The following MPDZ variants were observed in gnomAD, a reference collection of about 807,000 sequenced individuals.
MPDZ encodes multiple PDZ domain crumbs cell polarity complex component, also known as multiple PDZ domain protein.
MPDZ carries 234 observed loss-of-function variants against 239.1 expected under a neutral mutation model. The ratio of observed to expected loss-of-function variants is 0.98; its 90% CI spans 0.88 to 1.09. MPDZ has a LOEUF of 1.09. Ranked by LOEUF, MPDZ falls within the 50% of genes least tolerant of loss-of-function variation. The pLI is 0.00. For missense variants in MPDZ, 3,175 were observed against 2,510.0 expected, an observed-to-expected ratio of 1.26 and a Z score of -5.66; for synonymous variants, 1,048 against 881.3, an observed-to-expected ratio of 1.19 and a Z score of -3.35.
chr9:13,224,939 C>A (rs1209554331), intron 3 of MPDZ, among the ~76,000 whole-genome samples: 1 of 152,090 alleles, frequency 6.6e-6, no homozygotes. Context: ...CTCAGAATTT[C>A]CCCTCTCAGA....
In MPDZ at chr9:13,106,452, CAG is replaced by C. The variant is rs1563802092; in HGVS notation, c.*511_*512del. The C allele has an allele frequency of 6.6e-6, 1 of 151,654 alleles. No homozygotes were observed. The highest frequency in any genetic ancestry group is 1.9e-4 in the East Asian group (1 of 5,156). 9.4% of individuals were successfully genotyped at this position (151,654 alleles called of 1,614,324 possible). ...ACTGTTGAAAATTTTAAAATACTGA[CAG>C]TATTTTTAAAGATTTTCATTAGAAA... is the stretch of plus-strand genomic sequence containing the variant. On this transcript the variant is annotated 3_prime_UTR_variant, in exon 47 of 47. Transcript: ENST00000319217.
At chr9:13,215,506 G>A (rs958861735) in intron 10 of MPDZ, among the ~76,000 whole-genome samples, 11 of 150,790 alleles carry the variant, frequency 7.3e-5, no homozygotes, top group African/African-American at 2.4e-4. Context: ...ATGTCGTGGC[G>A]AGTGTGAATA....
At position 13,188,816 on chromosome 9, in the gene MPDZ, T is replaced by C; in HGVS notation, c.2332A>G (p.Thr778Ala). 1 of 1,613,412 alleles carries C rather than the reference T, an allele frequency of 6.2e-7. No homozygotes were observed. The highest frequency in any genetic ancestry group is 8.5e-7 in the Non-Finnish European group (1 of 1,179,478). The change falls in exon 17 of 47, where the codon ACT becomes GCT. Residue 778 changes from threonine to alanine, a missense_variant. By Grantham distance (58) the Thr-to-Ala change is moderately conservative (BLOSUM62 0). Coordinates refer to ENST00000319217, the MANE Select transcript of MPDZ (RefSeq NM_001378778.1). ...GGCTTAGCAACTCCTATTCTCACAG[T>C]CCCTGACGGTGCTCCCTTCAGTGCT... ...VEALKGAPSG[T>A]VRIGVAKPLP... is the part of the protein sequence containing the mutation.
At chr9:13,215,945 G>GTT (rs71331531) in intron 10 of MPDZ, among the ~76,000 whole-genome samples, 75 of 82,624 alleles carry the variant, frequency 9.1e-4, no homozygotes, top group African/African-American at 1.4e-3. Context: ...TCAGCAATTT[G>GTT]TTTTTTTTTT....
At chr9:13,159,362 G>C (rs999483829) in intron 23 of MPDZ, among the ~76,000 whole-genome samples, 2 of 152,140 alleles carry the variant, frequency 1.3e-5, no homozygotes, top group African/African-American at 4.8e-5. Flanking sequence ...CCTCGAATGA[G>C]GGTAGGGCTC....
rs1588053319 is a variant in MPDZ at position 13,240,827 on chromosome 9, A to G, written c.183+6808T>C. 2.6e-5 allele frequency among the ~76,000 whole-genome samples: 4 copies of G among 152,216 alleles called. No individual in the cohort carries two copies. The South Asian group carries it at 8.3e-4, about 32-fold the overall frequency. ...TAATTGTTGTAGCTTCAAGTGAAAA[A>G]TAAGGCCTATTAGTCTTAAATTTGG... On this transcript the variant is annotated intron_variant, in intron 3 of 46. Coordinates refer to ENST00000319217, the MANE Select transcript of MPDZ (RefSeq NM_001378778.1).
At chr9:13,109,820 A>G in intron 45 of MPDZ, 132 bp downstream of exon 45, 1 of 710,836 alleles carries the variant, frequency 1.4e-6, no homozygotes, top group South Asian at 1.7e-5. Context: ...TGATATGTAT[A>G]ATTCACACTT....
chr9:13,202,413 T>A (rs1176094670), intron 12 of MPDZ, among the ~76,000 whole-genome samples: 1 of 152,176 alleles, frequency 6.6e-6, no homozygotes, highest in South Asian at 2.1e-4. Flanking sequence ...ACCAGGATTT[T>A]GTAGAAAATC....
At chr9:13,240,644 T>C (rs1175548268) in intron 3 of MPDZ, among the ~76,000 whole-genome samples, 1 of 147,848 alleles carries the variant, frequency 6.8e-6, no homozygotes, top group Non-Finnish European at 1.5e-5. Context: ...TCAAATTCTC[T>C]TAAGTCTATC....
chr9:13,130,761 C>G (rs1945867610), intron 32 of MPDZ, among the ~76,000 whole-genome samples: 1 of 152,180 alleles, frequency 6.6e-6, no homozygotes, highest in East Asian at 1.9e-4. Flanking sequence ...GTGATATAAA[C>G]CAAGGCAAAG....
intron 6 of MPDZ, among the ~76,000 whole-genome samples, chr9:13,221,764 G>C (rs1959132182): frequency 6.6e-6 from 1 of 151,154 alleles, no homozygotes; most frequent in African/African-American, 2.4e-5. Flanking sequence ...TGATTTGCAA[G>C]ATCTTTTGTA....
At chr9:13,179,035 T>A (rs1952910182) in intron 19 of MPDZ, among the ~76,000 whole-genome samples, 1 of 152,162 alleles carries the variant, frequency 6.6e-6, no homozygotes. Context: ...AATTAATTGC[T>A]CCAACACAAT....
At chr9:13,122,900 A>AG (rs1329090976) in intron 36 of MPDZ, among the ~76,000 whole-genome samples, 2 of 152,232 alleles carry the variant, frequency 1.3e-5, no homozygotes, top group Non-Finnish European at 2.9e-5. Flanking sequence ...GTGAACTGAT[A>AG]GAAACACTTT....
chr9:13,109,981 C>T lies in MPDZ; in HGVS notation c.5913G>A (p.Thr1971=), dbSNP rs1205455000. The T allele has an allele frequency of 7.4e-6, 12 of 1,612,962 alleles. No homozygotes were observed. Among genetic ancestry groups the T allele is most frequent in the South Asian group, 3.3e-5 (3 of 90,964 alleles). ...ASSSLSFTGL[T]SSSIFQDDLG... The stretch of plus-strand genomic sequence containing the variant: ...AATCATCCTGAAATATACTGCTTGA[C>T]GTCAGCCCAGTGAAAGAAAGACTGG... The change falls in exon 45 of 47, where the codon ACG becomes ACA. Residue 1971 remains threonine, a synonymous_variant. Coordinates refer to ENST00000319217, the MANE Select transcript of MPDZ (RefSeq NM_001378778.1).
rs758983823 is a variant in MPDZ, at chr9:13,113,926, C to G, written c.5557+5G>C. 6.3e-7 allele frequency: 1 copy of G among 1,578,260 alleles called. No individual in the cohort carries two copies. The highest frequency in any genetic ancestry group is 1.2e-5 in the South Asian group (1 of 86,054). On this transcript the variant is annotated splice_donor_5th_base_variant and intron_variant, in intron 41 of 46. Transcript: ENST00000319217. ...ACCATGTTTAAAATACTGAACCAAT[C>G]TTACATGCATTCTTCTTTGAGCTAC...
Position 13,118,640 on chromosome 9 carries a change from G to A in MPDZ, c.5379+862C>T, listed in dbSNP as rs117178940. On this transcript the variant is annotated intron_variant, in intron 39 of 46. Transcript: ENST00000319217. ...ACACTAGGTTAAAAAAACAAAACAA[G>A]GAGATAAGCATTGCCTATTTACAGG... Among the ~76,000 whole-genome samples, 22 of 152,214 alleles carry A rather than the reference G, an allele frequency of 1.4e-4. No homozygotes were observed. In the East Asian group the frequency reaches 4.2e-3, roughly 29 times the overall value.
Position 13,152,356 on chromosome 9 carries a change from G to A in MPDZ, c.3453-1668C>T, listed in dbSNP as rs146227663. ...AAACTGTAGCTCCCACAATTCCCACGTATTGTTGGTGGGACCCGGTGGGAG... is the reference window on the plus strand; with the variant it reads ...AAACTGTAGCTCCCACAATTCCCACATATTGTTGGTGGGACCCGGTGGGAG... On this transcript the variant is annotated intron_variant, in intron 24 of 46. Transcript: ENST00000319217. 5.9e-3 allele frequency among the ~76,000 whole-genome samples: 894 copies of A among 152,216 alleles called. 8 individuals are homozygous for A. The highest frequency in any genetic ancestry group is 0.019 in the African/African-American group (775 of 41,546).
intron 3 of MPDZ, among the ~76,000 whole-genome samples, chr9:13,233,513 T>C (rs543712154): frequency 2.0e-5 from 3 of 152,260 alleles, no homozygotes; most frequent in Admixed American, 2.0e-4. Flanking sequence ...GGATTAGGAC[T>C]GACTGAAAGG....
rs547269357 is a variant in MPDZ, at chr9:13,212,640, T to C, written c.1290+4134A>G. 3.3e-5 allele frequency among the ~76,000 whole-genome samples: 5 copies of C among 151,174 alleles called. No individual in the cohort carries two copies. In the South Asian group the frequency reaches 1.1e-3, roughly 32 times the overall value. ...AGAAGAGTGCAGTAGAACTAGGTAG[T>C]ATAATGGCAGCAAATTGCCTATGTG... On this transcript the variant is annotated intron_variant, in intron 10 of 46. Transcript: ENST00000319217.
Sources: allele counts gnomAD v4.1 joint callset (sites outside exome capture counted in the v4.1 genomes callset), GRCh38; gene constraint gnomAD v4.1.1; transcripts MANE v1.5; gene names NCBI Gene and HGNC (gene_info 2026-07-23, HGNC 2026-07-21).